The following ITPK1 variants were observed in gnomAD, a reference collection of about 807,000 sequenced individuals.
ITPK1 encodes inositol-tetrakisphosphate 1-kinase.
A neutral mutation model predicts 45.3 loss-of-function variants in ITPK1; 21 were observed. The ratio of observed to expected loss-of-function variants is 0.46; its 90% CI spans 0.33 to 0.67. The LOEUF (loss-of-function observed/expected upper bound fraction) is 0.67, where lower values mean the gene tolerates loss of function less well. ITPK1 is among the 30% of genes least tolerant of loss of function. The pLI is 0.02. For missense variants in ITPK1, 474 were observed against 573.5 expected, an observed-to-expected ratio of 0.83 and a Z score of 1.77; for synonymous variants, 258 against 253.6, an observed-to-expected ratio of 1.02 and a Z score of -0.16.
rs983215335 is a variant in ITPK1 at position 93,076,074 on chromosome 14, C to T, written c.120+521G>A. On this transcript the variant is annotated intron_variant, in intron 3 of 10. Transcript: ENST00000267615. The surrounding 1 kb of genome is among the most constrained non-coding windows in gnomAD (Gnocchi z 4.3). ...CCATCCATCCTTCTATCCTTCCTCC[C>T]CTCCATCCATCCTTCCTTCTCCCTC... Among the ~76,000 whole-genome samples, 1 of 151,474 alleles carries T rather than the reference C, an allele frequency of 6.6e-6. No homozygotes were observed. The highest frequency in any genetic ancestry group is 1.5e-5 in the Non-Finnish European group (1 of 67,808).
chr14:93,019,744 A>T (rs780193703), intron 3 of ITPK1, among the ~76,000 whole-genome samples: 1 of 152,136 alleles, frequency 6.6e-6, no homozygotes, highest in Non-Finnish European at 1.5e-5. Context: ...TGCGGCCCCC[A>T]CAGGAGAAAG....
chr14:93,099,024 G>T (rs1272868120), intron 2 of ITPK1, among the ~76,000 whole-genome samples: 1 of 152,130 alleles, frequency 6.6e-6, no homozygotes, highest in African/African-American at 2.4e-5. Flanking sequence ...CTTTGCCCGG[G>T]GCCCTCGGAA....
chr14:92,948,357 A>G lies in ITPK1; in HGVS notation c.739-1864T>C, dbSNP rs74596607. Among the ~76,000 whole-genome samples, 54 of 152,268 alleles carry G rather than the reference A, an allele frequency of 3.5e-4. No homozygotes were observed. The East Asian group carries it at 7.7e-3, about 22-fold the overall frequency. On this transcript the variant is annotated intron_variant, in intron 9 of 10. Coordinates refer to ENST00000267615, the MANE Select transcript of ITPK1 (RefSeq NM_014216.6). ...ATCTTATGTATGTGAATTTACCTCA[A>G]TTTTATTTTATTTAGAGACAATGTT...
At chr14:93,037,210 C>G (rs538986877) in intron 3 of ITPK1, among the ~76,000 whole-genome samples, 9 of 152,338 alleles carry the variant, frequency 5.9e-5, no homozygotes, top group African/African-American at 1.9e-4. Flanking sequence ...AATGGCATCT[C>G]CATGCCCCTT....
intron 2 of ITPK1, among the ~76,000 whole-genome samples, chr14:93,104,479 G>T (rs1209464119): frequency 6.7e-6 from 1 of 148,810 alleles, no homozygotes. Context: ...AAAAAGAACA[G>T]AACTCCTTGA....
chr14:93,079,966 C>T (rs996554491), intron 2 of ITPK1, among the ~76,000 whole-genome samples: 4 of 152,186 alleles, frequency 2.6e-5, no homozygotes, highest in African/African-American at 9.7e-5. Flanking sequence ...TGTTAATTAC[C>T]AAACTGTATG....
At position 92,937,057 on chromosome 14, in the gene ITPK1, A is replaced by G. The variant is rs1887163502; in HGVS notation, c.*4504T>C. Reference sequence around the variant, plus strand: ...AAACAAGACTAGTTAGCAAATACAGAGATCATAGCGACACCTTGTCCCTGA... The same window carrying G: ...AAACAAGACTAGTTAGCAAATACAGGGATCATAGCGACACCTTGTCCCTGA... On this transcript the variant is annotated 3_prime_UTR_variant, in exon 11 of 11. Transcript: ENST00000267615. The G allele has an allele frequency of 6.6e-6, 1 of 152,274 alleles. No homozygotes were observed. The highest frequency in any genetic ancestry group is 2.1e-4 in the South Asian group (1 of 4,834). 9.4% of individuals were successfully genotyped at this position (152,274 alleles called of 1,614,324 possible). A position where few individuals can be genotyped will look rare whatever the true frequency, so the allele number is the denominator to read the frequency against.
intron 9 of ITPK1, 41 bp from the exon 10 acceptor site, chr14:92,946,534 G>A: frequency 6.3e-7 from 1 of 1,595,936 alleles, no homozygotes; most frequent in East Asian, 2.2e-5. Flanking sequence ...GGGCCGAGGA[G>A]CTGCGAAGCC....
chr14:92,946,222 T>C (rs1201201156), intron 10 of ITPK1, 109 bp downstream of exon 10: 1 of 1,299,028 alleles, frequency 7.7e-7, no homozygotes, highest in Non-Finnish European at 1.1e-6. Context: ...GACCTCGTGG[T>C]GAGGGAGAAA....
intron 4 of ITPK1, among the ~76,000 whole-genome samples, chr14:93,000,974 T>TAAAAA (rs201265189): frequency 1.2e-5 from 1 of 81,962 alleles, no homozygotes. Context: ...AGACTCCAAC[T>TAAAAA]AAAAAAAAAA....
chr14:92,985,157 A>G (rs1038629968), intron 5 of ITPK1, among the ~76,000 whole-genome samples: 4 of 152,288 alleles, frequency 2.6e-5, no homozygotes, highest in African/African-American at 4.8e-5. Context: ...GACACTCCAC[A>G]AAATAAACAG....
intron 3 of ITPK1, among the ~76,000 whole-genome samples, chr14:93,053,067 T>C (rs1392157862): frequency 6.6e-6 from 1 of 151,942 alleles, no homozygotes; most frequent in Admixed American, 6.6e-5. Flanking sequence ...ACATGGCACA[T>C]GTATACATAT....
chr14:93,102,833 G>T (rs905513171), intron 2 of ITPK1, among the ~76,000 whole-genome samples: 1 of 152,144 alleles, frequency 6.6e-6, no homozygotes, highest in Non-Finnish European at 1.5e-5. Context: ...GGGAGTGGTG[G>T]CTCATGCCTG....
At chr14:93,054,308 T>C (rs867138191) in intron 3 of ITPK1, among the ~76,000 whole-genome samples, 7 of 152,166 alleles carry the variant, frequency 4.6e-5, no homozygotes, top group South Asian at 4.1e-4. Flanking sequence ...AATAAACTGA[T>C]TGACAGAAAC....
intron 4 of ITPK1, among the ~76,000 whole-genome samples, chr14:92,995,111 C>T (rs1331335251): frequency 6.7e-6 from 1 of 148,866 alleles, no homozygotes; most frequent in East Asian, 1.9e-4. Flanking sequence ...GCCCTCAGGG[C>T]CTCCGGAGGG....
intron 2 of ITPK1, among the ~76,000 whole-genome samples, chr14:93,085,079 C>T (rs1048311372): frequency 4.6e-5 from 7 of 152,246 alleles, no homozygotes; most frequent in African/African-American, 1.2e-4. Flanking sequence ...GCTCCAGCCC[C>T]GTGTCACCCC....
At chr14:93,068,115 TAAC>T (rs1400576677) in intron 3 of ITPK1, 1 of 153,152 alleles carries the variant, frequency 6.5e-6, no homozygotes, top group Non-Finnish European at 1.5e-5. Flanking sequence ...CCATTAATCA[TAAC>T]AACAGATGAG....
chr14:93,045,990 G>A (rs746964391), intron 3 of ITPK1, among the ~76,000 whole-genome samples: 9 of 152,216 alleles, frequency 5.9e-5, no homozygotes, highest in Non-Finnish European at 8.8e-5. Context: ...CTGCTCTGGC[G>A]GGACGGGTCC....
At chr14:93,074,505 G>C (rs1335667848) in intron 3 of ITPK1, among the ~76,000 whole-genome samples, 1 of 152,236 alleles carries the variant, frequency 6.6e-6, no homozygotes, top group Non-Finnish European at 1.5e-5. Context: ...GTATGGACAG[G>C]ATCAGGCATG....
Sources: gnomAD v4.1 joint callset for allele counts (sites outside exome capture counted in the v4.1 genomes callset) on GRCh38, gnomAD v4.1.1 for gene constraint, Gnocchi (gnomAD v3.1) non-coding constraint, MANE v1.5 for transcripts, NCBI Gene and HGNC (gene_info 2026-07-23, HGNC 2026-07-21) for gene names.